EPHA6: variants seen among roughly 807,000 people sequenced by gnomAD.
EPHA6 encodes EPH receptor A6, also known as ephrin type-A receptor 6.
A neutral mutation model predicts 112.0 loss-of-function variants in EPHA6; 50 were observed. That is an observed-to-expected ratio of 0.45 (90% CI 0.36 to 0.56). EPHA6 has a LOEUF of 0.56. EPHA6 is among the 20% of genes least tolerant of loss of function. The pLI, the probability that EPHA6 is intolerant of heterozygous loss-of-function variation, is 0.00. For missense variants in EPHA6, 1,280 were observed against 1,417.4 expected, an observed-to-expected ratio of 0.90 and a Z score of 1.56; for synonymous variants, 529 against 490.7, an observed-to-expected ratio of 1.08 and a Z score of -1.03.
chr3:97,091,482 G>A (rs1048959835), intron 3 of EPHA6, among the ~76,000 whole-genome samples: 7 of 152,160 alleles, frequency 4.6e-5, no homozygotes, highest in African/African-American at 1.7e-4. Context: ...AAAGCTATTT[G>A]TGGAGATTTT....
At chr3:97,232,704 A>G (rs2078563966) in intron 4 of EPHA6, among the ~76,000 whole-genome samples, 1 of 152,196 alleles carries the variant, frequency 6.6e-6, no homozygotes, top group African/African-American at 2.4e-5. Flanking sequence ...AACAAAAGAA[A>G]GTACACTTGG....
At chr3:96,862,578 T>C (rs2036070747) in intron 1 of EPHA6, among the ~76,000 whole-genome samples, 1 of 151,952 alleles carries the variant, frequency 6.6e-6, no homozygotes, top group Non-Finnish European at 1.5e-5. Flanking sequence ...TGGCTTGATT[T>C]ATCTCTTCCT....
intron 2 of EPHA6, among the ~76,000 whole-genome samples, chr3:96,893,982 A>G (rs1279361392): frequency 2.0e-5 from 3 of 152,352 alleles, no homozygotes; most frequent in South Asian, 4.1e-4. Flanking sequence ...CTTGTCATAG[A>G]AAATCTCCAA....
chr3:96,952,038 G>A (rs1159562655), intron 2 of EPHA6, among the ~76,000 whole-genome samples: 4 of 152,222 alleles, frequency 2.6e-5, no homozygotes, highest in Non-Finnish European at 4.4e-5. Context: ...AATCTTGACA[G>A]TCAAGGTTCT....
intron 7 of EPHA6, among the ~76,000 whole-genome samples, chr3:97,458,437 TCAGTGAG>T (rs944671528): frequency 2.6e-5 from 4 of 152,276 alleles, no homozygotes; most frequent in African/African-American, 9.6e-5. Flanking sequence ...GGATGCATAA[TCAGTGAG>T]CAGACTAAAT....
intron 16 of EPHA6, among the ~76,000 whole-genome samples, chr3:97,738,140 G>A (rs961897271): frequency 1.5e-5 from 2 of 130,462 alleles, no homozygotes; most frequent in African/African-American, 5.9e-5. Context: ...TCAGAGAAAG[G>A]AGCAATACAT....
chr3:96,879,916 G>T (rs529446824), intron 2 of EPHA6, among the ~76,000 whole-genome samples: 1 of 152,060 alleles, frequency 6.6e-6, no homozygotes, highest in East Asian at 1.9e-4. Context: ...GGAGTCTTTA[G>T]GGTTTTCTAG....
intron 5 of EPHA6, among the ~76,000 whole-genome samples, chr3:97,322,477 A>G (rs1203589505): frequency 6.6e-6 from 1 of 151,988 alleles, no homozygotes; most frequent in Non-Finnish European, 1.5e-5. Flanking sequence ...TCTCAAAATG[A>G]CACTGCTTTC....
chr3:96,888,716 G>A (rs1037899329), intron 2 of EPHA6, among the ~76,000 whole-genome samples: 24 of 152,304 alleles, frequency 1.6e-4, no homozygotes, highest in Non-Finnish European at 3.2e-4. Context: ...CTCTGGGCCT[G>A]TGATGGGAGG....
intron 3 of EPHA6, among the ~76,000 whole-genome samples, chr3:97,215,809 A>G (rs577756399): frequency 2.0e-5 from 3 of 152,304 alleles, no homozygotes; most frequent in Admixed American, 6.5e-5. Context: ...TTTCAGAAAT[A>G]AGGATATGTT....
chr3:97,063,148 C>T (rs1433677412), intron 3 of EPHA6, among the ~76,000 whole-genome samples: 1 of 152,060 alleles, frequency 6.6e-6, no homozygotes, highest in Non-Finnish European at 1.5e-5. Context: ...GTGGCAATTC[C>T]TCAAAGACCT....
chr3:97,065,884 T>A (rs527924368), intron 3 of EPHA6, among the ~76,000 whole-genome samples: 38 of 152,142 alleles, frequency 2.5e-4, no homozygotes, highest in East Asian at 7.7e-4. Flanking sequence ...TTGATTTTTT[T>A]AAAAAAATCC....
intron 3 of EPHA6, among the ~76,000 whole-genome samples, chr3:97,169,027 T>A (rs2108420775): frequency 6.6e-6 from 1 of 152,280 alleles, no homozygotes; most frequent in East Asian, 1.9e-4. Flanking sequence ...TAGAGTGGCA[T>A]CTTACATTGG....
intron 11 of EPHA6, among the ~76,000 whole-genome samples, chr3:97,546,225 G>C (rs914159934): frequency 5.9e-5 from 9 of 152,122 alleles, no homozygotes; most frequent in African/African-American, 9.7e-5. Context: ...TCCATGTTTA[G>C]TGCTTCCTTC....
rs543689997 is a variant in EPHA6 at position 97,200,607 on chromosome 3, G to A, written c.1115-25657G>A. On this transcript the variant is annotated intron_variant, in intron 3 of 17. Coordinates refer to ENST00000389672, the MANE Select transcript of EPHA6 (RefSeq NM_001080448.3). Reference sequence around the variant, plus strand: ...TCAGCATTTTTACCTGTACCGCTTAGTTACACCGTGATTGACAGCCTCCAT... The same window carrying A: ...TCAGCATTTTTACCTGTACCGCTTAATTACACCGTGATTGACAGCCTCCAT... Among the ~76,000 whole-genome samples, 23 of 152,180 alleles carry A rather than the reference G, an allele frequency of 1.5e-4. No homozygotes were observed. In the South Asian group the frequency reaches 4.8e-3, roughly 32 times the overall value.
At chr3:97,540,284 A>G (rs1386687906) in intron 11 of EPHA6, among the ~76,000 whole-genome samples, 5 of 152,200 alleles carry the variant, frequency 3.3e-5, no homozygotes, top group Non-Finnish European at 5.9e-5. Context: ...ACTATTTGCC[A>G]TGTGGAATTA....
chr3:97,193,166 T>C (rs186477401), intron 3 of EPHA6, among the ~76,000 whole-genome samples: 3 of 152,134 alleles, frequency 2.0e-5, no homozygotes, highest in Non-Finnish European at 2.9e-5. Context: ...CTTTTTCTAC[T>C]TCTGTGAAGA....
intron 14 of EPHA6, among the ~76,000 whole-genome samples, chr3:97,660,646 T>G (rs530571786): frequency 9.2e-5 from 14 of 152,212 alleles, no homozygotes; most frequent in African/African-American, 3.1e-4. Flanking sequence ...GCCCAGAATC[T>G]CAGCTGCCAT....
intron 11 of EPHA6, among the ~76,000 whole-genome samples, chr3:97,568,801 C>T (rs2093300252): frequency 6.6e-6 from 1 of 152,112 alleles, no homozygotes; most frequent in African/African-American, 2.4e-5. Flanking sequence ...GGACCAGTTC[C>T]ACAGGGGTCT....
Sources: gnomAD v4.1 joint callset for allele counts (sites outside exome capture counted in the v4.1 genomes callset) on GRCh38, gnomAD v4.1.1 for gene constraint, MANE v1.5 for transcripts, NCBI Gene and HGNC (gene_info 2026-07-23, HGNC 2026-07-21) for gene names.